The following SERGEF variants were observed in gnomAD, a reference collection of about 807,000 sequenced individuals.
The protein encoded by SERGEF is secretion regulating guanine nucleotide exchange factor.
A neutral mutation model predicts 50.0 loss-of-function variants in SERGEF; 51 were observed. The observed-to-expected ratio is 1.02, with a 90% confidence interval of 0.81 to 1.29. SERGEF has a LOEUF of 1.29. SERGEF is among the 50% of genes most tolerant of loss of function. The probability of loss-of-function intolerance (pLI) is 0.00; values close to 1 mark genes in which losing one functional copy is unlikely to be tolerated. For synonymous variants in SERGEF, 205 were observed against 212.4 expected, an observed-to-expected ratio of 0.97 and a Z score of 0.30; for missense variants, 521 against 557.0, an observed-to-expected ratio of 0.94 and a Z score of 0.65.
chr11:17,864,218 C>G (rs1850981041), intron 10 of SERGEF, among the ~76,000 whole-genome samples: 2 of 152,266 alleles, frequency 1.3e-5, no homozygotes, highest in Admixed American at 1.3e-4. Flanking sequence ...TGTAAGCAAC[C>G]CTAAAAAGGA....
intron 1 of SERGEF, chr11:18,010,045 GA>G: frequency 5.1e-6 from 5 of 985,250 alleles, no homozygotes; most frequent in Non-Finnish European, 6.9e-6. Flanking sequence ...TAAGATTTCA[GA>G]AATCTTTATA....
At chr11:17,819,942 G>A (rs1421101059) in intron 10 of SERGEF, among the ~76,000 whole-genome samples, 1 of 152,122 alleles carries the variant, frequency 6.6e-6, no homozygotes, top group African/African-American at 2.4e-5. Context: ...AGGCTCAAGC[G>A]ATCCTCCCCG....
chr11:17,975,424 C>A (rs1853350469), intron 8 of SERGEF, among the ~76,000 whole-genome samples: 1 of 152,132 alleles, frequency 6.6e-6, no homozygotes, highest in African/African-American at 2.4e-5. Context: ...CATTTTTAGA[C>A]CTTTAAGAAA....
At chr11:17,908,712 C>T (rs552315779) in intron 9 of SERGEF, among the ~76,000 whole-genome samples, 29 of 152,258 alleles carry the variant, frequency 1.9e-4, no homozygotes, top group Non-Finnish European at 3.8e-4. Context: ...GGAAACCAAG[C>T]CTACCTGATA....
chr11:17,812,514 T>A (rs889264717), intron 10 of SERGEF, among the ~76,000 whole-genome samples: 3 of 152,346 alleles, frequency 2.0e-5, no homozygotes, highest in South Asian at 4.1e-4. Flanking sequence ...GCTGGCTTCA[T>A]GTAGAATGGC....
intron 8 of SERGEF, among the ~76,000 whole-genome samples, chr11:17,976,308 C>G (rs567763748): frequency 1.3e-5 from 2 of 151,914 alleles, no homozygotes; most frequent in East Asian, 3.9e-4. Context: ...ATTTTTGAGA[C>G]GGAGACTCAC....
intron 10 of SERGEF, among the ~76,000 whole-genome samples, chr11:17,854,485 C>A (rs1317134965): frequency 1.3e-5 from 2 of 152,116 alleles, no homozygotes; most frequent in Admixed American, 1.3e-4. Flanking sequence ...TTGATCCTGC[C>A]CATTCTTCCC....
At chr11:18,011,729 G>C (rs538111925) in intron 1 of SERGEF, among the ~76,000 whole-genome samples, 2 of 152,176 alleles carry the variant, frequency 1.3e-5, no homozygotes, top group South Asian at 4.2e-4. Context: ...CAATATTTCT[G>C]TTTCCTCTGT....
intron 9 of SERGEF, among the ~76,000 whole-genome samples, chr11:17,956,005 G>A (rs1394200593): frequency 3.3e-5 from 5 of 152,140 alleles, no homozygotes; most frequent in South Asian, 2.1e-4. Flanking sequence ...CCTGACATGC[G>A]CTTGGTGGGA....
At chr11:17,985,117 T>A (rs1388031102) in intron 8 of SERGEF, among the ~76,000 whole-genome samples, 1 of 152,200 alleles carries the variant, frequency 6.6e-6, no homozygotes, top group Admixed American at 6.5e-5. Flanking sequence ...GAGTATGGCA[T>A]CCCTGGCCAG....
At chr11:18,012,457 G>C in intron 1 of SERGEF, 1 of 1,043,042 alleles carries the variant, frequency 9.6e-7, no homozygotes, top group Non-Finnish European at 1.2e-6. Flanking sequence ...TCAGCAAATA[G>C]GCAGGGTCTG....
intron 10 of SERGEF, among the ~76,000 whole-genome samples, chr11:17,805,153 C>A (rs1849734609): frequency 6.6e-6 from 1 of 152,216 alleles, no homozygotes; most frequent in Non-Finnish European, 1.5e-5. Context: ...TTCCTAACAG[C>A]CACATGGCTC....
At chr11:17,936,818 G>A (rs1482505893) in intron 9 of SERGEF, among the ~76,000 whole-genome samples, 1 of 152,222 alleles carries the variant, frequency 6.6e-6, no homozygotes, top group Non-Finnish European at 1.5e-5. Context: ...TACTGGTGAT[G>A]AGCGTAGGGA....
intron 9 of SERGEF, among the ~76,000 whole-genome samples, chr11:17,909,672 G>A (rs927521220): frequency 1.3e-5 from 2 of 152,212 alleles, no homozygotes; most frequent in Admixed American, 6.5e-5. Flanking sequence ...TTTGTGCAGA[G>A]TGGAGTGGCA....
At chr11:17,882,426 A>AG (rs1851351582) in intron 9 of SERGEF, among the ~76,000 whole-genome samples, 1 of 151,352 alleles carries the variant, frequency 6.6e-6, no homozygotes, top group Non-Finnish European at 1.5e-5. Flanking sequence ...CTCAAAAAAA[A>AG]AAAAAAAAAA....
chr11:17,831,683 T>C (rs1366529050), intron 10 of SERGEF, among the ~76,000 whole-genome samples: 1 of 152,230 alleles, frequency 6.6e-6, no homozygotes, highest in East Asian at 1.9e-4. Context: ...TTATCTTGGC[T>C]CTATACCCTT....
chr11:17,981,799 ACTT>A (rs1031365159), intron 8 of SERGEF, among the ~76,000 whole-genome samples: 2 of 151,886 alleles, frequency 1.3e-5, no homozygotes, highest in Non-Finnish European at 2.9e-5. Flanking sequence ...TTGAAGCAGA[ACTT>A]CTTTTTTTTT....
intron 1 of SERGEF, among the ~76,000 whole-genome samples, chr11:18,009,011 A>G (rs1232639017): frequency 6.6e-6 from 1 of 152,118 alleles, no homozygotes; most frequent in Non-Finnish European, 1.5e-5. Context: ...CCACGGGAAC[A>G]GCTCAGGACA....
chr11:17,850,256 A>G (rs1407592502), intron 10 of SERGEF, among the ~76,000 whole-genome samples: 1 of 152,174 alleles, frequency 6.6e-6, no homozygotes, highest in Non-Finnish European at 1.5e-5. Context: ...ACTGGGGACC[A>G]AGTTTCTAAC....
Sources: gnomAD v4.1 joint callset for allele counts (sites outside exome capture counted in the v4.1 genomes callset) on GRCh38, gnomAD v4.1.1 for gene constraint, MANE v1.5 for transcripts, NCBI Gene and HGNC (gene_info 2026-07-23, HGNC 2026-07-21) for gene names.